Variants in MCF2L2 observed in about 807,000 individuals in gnomAD.
MCF2L2 encodes the protein MCF.2 cell line derived transforming sequence-like 2.
A neutral mutation model predicts 150.2 loss-of-function variants in MCF2L2; 102 were observed. That is an observed-to-expected ratio of 0.68 (90% CI 0.58 to 0.80). The LOEUF is 0.80. Ranked by LOEUF, MCF2L2 falls within the 30% of genes least tolerant of loss-of-function variation. The pLI is 0.00. For missense variants in MCF2L2, 1,256 were observed against 1,372.8 expected, an observed-to-expected ratio of 0.91 and a Z score of 1.34; for synonymous variants, 465 against 491.3, an observed-to-expected ratio of 0.95 and a Z score of 0.71.
intron 27 of MCF2L2, among the ~76,000 whole-genome samples, chr3:183,187,592 C>A (rs1224247107): frequency 1.3e-5 from 2 of 152,196 alleles, no homozygotes; most frequent in Non-Finnish European, 2.9e-5. Flanking sequence ...CCTCAGCCTC[C>A]CGAGTAGCTG....
At chr3:183,384,880 T>C (rs1376425516) in intron 2 of MCF2L2, among the ~76,000 whole-genome samples, 1 of 152,198 alleles carries the variant, frequency 6.6e-6, no homozygotes, top group African/African-American at 2.4e-5. Flanking sequence ...ATATAGTATC[T>C]ATAAATTTTA....
intron 10 of MCF2L2, among the ~76,000 whole-genome samples, chr3:183,304,676 G>A (rs1443976786): frequency 6.7e-6 from 1 of 149,826 alleles, no homozygotes; most frequent in African/African-American, 2.5e-5. Context: ...GTTTCACCAT[G>A]TTGCCCAGGC....
chr3:183,294,151 C>T (rs1455220807), intron 13 of MCF2L2, among the ~76,000 whole-genome samples: 1 of 152,148 alleles, frequency 6.6e-6, no homozygotes, highest in East Asian at 1.9e-4. Context: ...CATCGCATGA[C>T]TTGATCTTAA....
chr3:183,296,830 A>G, intron 12 of MCF2L2, 146 bp downstream of exon 12: 5 of 771,172 alleles, frequency 6.5e-6, no homozygotes, highest in Non-Finnish European at 1.0e-5. Flanking sequence ...AGAGTCTAAG[A>G]GGCCGCCGGA....
At chr3:183,301,014 CAAA>C (rs11388183) in intron 10 of MCF2L2, among the ~76,000 whole-genome samples, 4 of 65,638 alleles carry the variant, frequency 6.1e-5, no homozygotes, top group Non-Finnish European at 1.0e-4. Context: ...GACTCCATCT[CAAA>C]AAAAAAAAAA....
At chr3:183,292,282 T>C (rs1329867651) in intron 13 of MCF2L2, among the ~76,000 whole-genome samples, 1 of 152,094 alleles carries the variant, frequency 6.6e-6, no homozygotes, top group African/African-American at 2.4e-5. Context: ...AGGCCAGGCA[T>C]GGTGGCTCAC....
chr3:183,369,220 C>A (rs568885236), intron 3 of MCF2L2, among the ~76,000 whole-genome samples: 29 of 152,272 alleles, frequency 1.9e-4, no homozygotes, highest in African/African-American at 7.0e-4. Context: ...GCCTCGTTAT[C>A]CCCCTCCCTT....
chr3:183,398,053 T>G (rs1560057302), intron 1 of MCF2L2, among the ~76,000 whole-genome samples: 2 of 152,200 alleles, frequency 1.3e-5, no homozygotes, highest in Non-Finnish European at 2.9e-5. Context: ...ATAGAGGTAC[T>G]GCCTAAGTTC....
rs765068111 is a variant in MCF2L2, at chr3:183,359,936, C to CA, written c.276-18307dup. 1.5e-4 allele frequency among the ~76,000 whole-genome samples: 23 copies of CA among 152,258 alleles called. 1 individual carries two copies. In the Middle Eastern group the frequency reaches 0.01, roughly 68 times the overall value. On this transcript the variant is annotated intron_variant, in intron 3 of 29. Coordinates refer to ENST00000328913, the MANE Select transcript of MCF2L2 (RefSeq NM_015078.4). The stretch of plus-strand genomic sequence containing the variant: ...GTGCAAAAGATGTATCTTCAGAGTC[C>CA]ATCACGAAGCTGGAAAACGTGGGTA...
intron 2 of MCF2L2, among the ~76,000 whole-genome samples, chr3:183,380,790 G>T (rs899538808): frequency 2.0e-5 from 3 of 151,962 alleles, no homozygotes; most frequent in Non-Finnish European, 4.4e-5. Flanking sequence ...GGTACTTGCT[G>T]GAATAAAAAG....
intron 1 of MCF2L2, among the ~76,000 whole-genome samples, chr3:183,409,715 T>G (rs7653185): frequency 0.25 from 38,394 of 151,830 alleles, 5,611 homozygotes; most frequent in African/African-American, 0.41. Context: ...TGACCATGCC[T>G]GGATAATTTT....
At chr3:183,381,676 T>C (rs1713536058) in intron 2 of MCF2L2, among the ~76,000 whole-genome samples, 1 of 152,166 alleles carries the variant, frequency 6.6e-6, no homozygotes, top group South Asian at 2.1e-4. Flanking sequence ...TTTGTCTGGA[T>C]GGTCAGTCAT....
intron 15 of MCF2L2, among the ~76,000 whole-genome samples, chr3:183,251,254 C>T (rs1046660388): frequency 2.6e-5 from 4 of 152,220 alleles, no homozygotes; most frequent in Non-Finnish European, 4.4e-5. Flanking sequence ...AAGCCTGATA[C>T]TGCTGCTACA....
At chr3:183,360,676 T>C (rs1712079350) in intron 3 of MCF2L2, among the ~76,000 whole-genome samples, 1 of 151,948 alleles carries the variant, frequency 6.6e-6, no homozygotes, top group Non-Finnish European at 1.5e-5. Context: ...AAAAATAACA[T>C]ACAGTGTACT....
intron 13 of MCF2L2, among the ~76,000 whole-genome samples, chr3:183,290,270 C>T (rs992917390): frequency 3.9e-5 from 6 of 152,172 alleles, no homozygotes; most frequent in African/African-American, 1.4e-4. Context: ...ACTCTATCTC[C>T]CTTCTCCCCA....
chr3:183,311,858 T>A, intron 7 of MCF2L2, 86 bp from the exon 8 acceptor site: 2 of 1,223,172 alleles, frequency 1.6e-6, no homozygotes, highest in Non-Finnish European at 2.2e-6. Context: ...AGTAGATCAG[T>A]ACATTTTTCA....
intron 18 of MCF2L2, chr3:183,226,305 T>G (rs1380489608): frequency 2.6e-5 from 4 of 152,232 alleles, no homozygotes; most frequent in African/African-American, 9.6e-5. Flanking sequence ...TAGCCGGGCG[T>G]GGTGGCACAT....
At chr3:183,193,142 A>G (rs111635280) in intron 26 of MCF2L2, 46 bp from the exon 27 acceptor site, 3 of 1,483,698 alleles carry the variant, frequency 2.0e-6, no homozygotes, top group Non-Finnish European at 2.8e-6. Context: ...AAGGAATGAC[A>G]CACGCATCCC....
intron 25 of MCF2L2, among the ~76,000 whole-genome samples, chr3:183,198,885 T>C (rs4610254): frequency 0.96 from 146,078 of 152,236 alleles, 70,097 homozygotes; most frequent in East Asian, 1. Context: ...CATATCATTC[T>C]GTGTTAAGCC....
Sources: gnomAD v4.1 joint callset for allele counts (sites outside exome capture counted in the v4.1 genomes callset) on GRCh38, gnomAD v4.1.1 for gene constraint, MANE v1.5 for transcripts, NCBI Gene and HGNC (gene_info 2026-07-23, HGNC 2026-07-21) for gene names.